SCHIP1: variants seen among roughly 807,000 people sequenced by gnomAD.
SCHIP1 encodes the protein schwannomin-interacting protein 1.
A neutral mutation model predicts 29.7 loss-of-function variants in SCHIP1; 8 were observed. The ratio of observed to expected loss-of-function variants is 0.27; its 90% CI spans 0.16 to 0.49. SCHIP1 has a LOEUF of 0.49. Ranked by LOEUF, SCHIP1 falls within the 20% of genes least tolerant of loss-of-function variation. The pLI is 0.99. For synonymous variants in SCHIP1, 76 were observed against 94.9 expected (o/e 0.80, Z 1.16); for missense variants, 193 against 294.6 (o/e 0.66, Z 2.52).
chr3:159,764,533 G>A, the SCHIP1 span: 1 of 1,589,342 alleles, frequency 6.3e-7, no homozygotes. The surrounding 1 kb of genome is among the most constrained non-coding windows in gnomAD (Gnocchi z 6.1). Context: ...CTCCACCAAA[G>A]TGACCCCTTG....
At chr3:159,728,167 G>T in the SCHIP1 span, among the ~76,000 whole-genome samples, 1 of 151,988 alleles carries the variant, frequency 6.6e-6, no homozygotes, top group Non-Finnish European at 1.5e-5. Context: ...TATGCCAGTG[G>T]GTGGGTAGAT....
chr3:159,488,511 G>A, the SCHIP1 span, among the ~76,000 whole-genome samples: 1 of 152,060 alleles, frequency 6.6e-6, no homozygotes, highest in Non-Finnish European at 1.5e-5. Context: ...ATTGGCTGAA[G>A]TTGACAGAGG....
chr3:159,322,429 A>G, the SCHIP1 span, among the ~76,000 whole-genome samples: 1 of 152,286 alleles, frequency 6.6e-6, no homozygotes, highest in Non-Finnish European at 1.5e-5. Context: ...CCATTTTGCT[A>G]ACTTTCTGAT....
the SCHIP1 span, among the ~76,000 whole-genome samples, chr3:159,827,807 G>A: frequency 0.06 from 8,647 of 144,202 alleles, 808 homozygotes; most frequent in African/African-American, 0.21. Context: ...GCGAGACTCC[G>A]TCTCAAAAAA....
At chr3:159,680,083 G>C in the SCHIP1 span, among the ~76,000 whole-genome samples, 2 of 151,662 alleles carry the variant, frequency 1.3e-5, no homozygotes, top group Non-Finnish European at 1.5e-5. Context: ...TTCTTAACCA[G>C]TTCATTGGGT....
At chr3:159,500,673 C>T in the SCHIP1 span, among the ~76,000 whole-genome samples, 3 of 151,102 alleles carry the variant, frequency 2.0e-5, no homozygotes, top group Admixed American at 6.6e-5. Flanking sequence ...GAGATTGTGT[C>T]ACTGCCCTCC....
the SCHIP1 span, among the ~76,000 whole-genome samples, chr3:159,562,543 G>A: frequency 6.6e-6 from 1 of 152,164 alleles, no homozygotes; most frequent in Non-Finnish European, 1.5e-5. Flanking sequence ...TACGCCTTCT[G>A]GTTTCTGTGG....
chr3:159,481,609 TC>T, the SCHIP1 span, among the ~76,000 whole-genome samples: 1 of 152,162 alleles, frequency 6.6e-6, no homozygotes, highest in East Asian at 1.9e-4. Flanking sequence ...AACCCATTTT[TC>T]TGTAAGTGAG....
At chr3:159,660,185 A>G in the SCHIP1 span, among the ~76,000 whole-genome samples, 1 of 152,144 alleles carries the variant, frequency 6.6e-6, no homozygotes, top group East Asian at 1.9e-4. Flanking sequence ...GGGGCAGTTG[A>G]TTTAGTGCCC....
At chr3:159,397,426 T>C in the SCHIP1 span, among the ~76,000 whole-genome samples, 1 of 152,210 alleles carries the variant, frequency 6.6e-6, no homozygotes, top group Non-Finnish European at 1.5e-5. Flanking sequence ...GTCTTTCTGT[T>C]CTTTTTTTTC....
At chr3:159,734,652 A>G in the SCHIP1 span, among the ~76,000 whole-genome samples, 1 of 152,144 alleles carries the variant, frequency 6.6e-6, no homozygotes, top group South Asian at 2.1e-4. Flanking sequence ...TTATTTCCAT[A>G]ACCATAGGCA....
the SCHIP1 span, among the ~76,000 whole-genome samples, chr3:159,577,113 G>A: frequency 6.6e-6 from 1 of 151,984 alleles, no homozygotes; most frequent in Non-Finnish European, 1.5e-5. Flanking sequence ...ATTATCCTAA[G>A]GTACGTTTCA....
the SCHIP1 span, among the ~76,000 whole-genome samples, chr3:159,633,221 C>A: frequency 6.6e-6 from 1 of 152,236 alleles, no homozygotes; most frequent in Non-Finnish European, 1.5e-5. Context: ...AGATATCACA[C>A]TTTCTACTGC....
the SCHIP1 span, among the ~76,000 whole-genome samples, chr3:159,779,761 AT>A: frequency 0.068 from 10,240 of 151,600 alleles, 440 homozygotes; most frequent in African/African-American, 0.085. Flanking sequence ...CTTTTGTTTA[AT>A]TTTTTTTTAA....
At chr3:159,325,206 T>C in the SCHIP1 span, among the ~76,000 whole-genome samples, 1 of 152,130 alleles carries the variant, frequency 6.6e-6, no homozygotes, top group East Asian at 1.9e-4. Context: ...ATTATTAAGA[T>C]AAGAATTAGC....
the SCHIP1 span, among the ~76,000 whole-genome samples, chr3:159,510,852 GC>G: frequency 6.6e-6 from 1 of 152,196 alleles, no homozygotes; most frequent in Admixed American, 6.5e-5. Flanking sequence ...GGGGTACCCA[GC>G]TGTGTGATGT....
the SCHIP1 span, among the ~76,000 whole-genome samples, chr3:159,679,419 A>G: frequency 6.6e-6 from 1 of 152,234 alleles, no homozygotes. Flanking sequence ...AGAGTAAACA[A>G]GTTGTAGATG....
the SCHIP1 span, among the ~76,000 whole-genome samples, chr3:159,293,441 C>T: frequency 2.0e-5 from 3 of 152,298 alleles, no homozygotes; most frequent in Admixed American, 6.5e-5. Flanking sequence ...CAAGGAGCAT[C>T]AGCGTATAGA....
chr3:159,482,878 A>G, the SCHIP1 span, among the ~76,000 whole-genome samples: 1 of 152,196 alleles, frequency 6.6e-6, no homozygotes, highest in African/African-American at 2.4e-5. Flanking sequence ...TTTTCATTGA[A>G]TAACAAATGT....
Sources: allele counts gnomAD v4.1 joint callset (sites outside exome capture counted in the v4.1 genomes callset), GRCh38; gene constraint gnomAD v4.1.1; non-coding constraint Gnocchi (gnomAD v3.1); transcripts MANE v1.5; gene names NCBI Gene and HGNC (gene_info 2026-07-23, HGNC 2026-07-21).